Variants in FRMPD4 observed in about 807,000 individuals in gnomAD.
FRMPD4 encodes FERM and PDZ domain-containing protein 4.
A neutral mutation model predicts 94.1 loss-of-function variants in FRMPD4; 22 were observed. The ratio of observed to expected loss-of-function variants is 0.23; its 90% CI spans 0.17 to 0.33. The LOEUF (loss-of-function observed/expected upper bound fraction) is 0.33. Among genes scored for constraint, FRMPD4 ranks in the 10% least tolerant of loss-of-function variants. The probability of loss-of-function intolerance (pLI) is 1.00; values close to 1 mark genes in which losing one functional copy is unlikely to be tolerated. For missense variants in FRMPD4, 1,111 were observed against 1,339.9 expected (o/e 0.83, Z 2.67); for synonymous variants, 631 against 548.6 (o/e 1.15, Z -2.10).
chrX:12,266,507 G>T (rs2054279093), intron 1 of FRMPD4, among the ~76,000 whole-genome samples: 1 of 111,437 alleles, frequency 9.0e-6, no homozygotes, highest in Admixed American at 9.5e-5. Context: ...TGAAGTCTGG[G>T]CTTGGAAGTG....
At chrX:11,876,848 G>A (rs1438388755) in intron 2 of FRMPD4, among the ~76,000 whole-genome samples, 1 of 112,299 alleles carries the variant, frequency 8.9e-6, no homozygotes, top group Non-Finnish European at 1.9e-5. Flanking sequence ...TATAGCAGTG[G>A]TTTCAACCGG....
chrX:12,457,480 A>C (rs1466428354), intron 1 of FRMPD4, among the ~76,000 whole-genome samples: 2 of 111,388 alleles, frequency 1.8e-5, no homozygotes, highest in African/African-American at 6.5e-5. Flanking sequence ...TTGTTGAATC[A>C]CCTCTCATTT....
chrX:12,233,140 G>A (rs926759098), intron 1 of FRMPD4, among the ~76,000 whole-genome samples: 9 of 111,683 alleles, frequency 8.1e-5, no homozygotes, highest in African/African-American at 2.6e-4. Flanking sequence ...GGTGAAGATC[G>A]TTTTAAACAA....
rs1036437887 is a variant in FRMPD4, at chrX:12,718,592, G to A, written c.3766G>A (p.Val1256Met). The A allele has an allele frequency of 1.2e-5, 15 of 1,208,682 alleles. No individual in the cohort carries two copies. Among genetic ancestry groups the A allele is most frequent in the South Asian group, 5.3e-5 (3 of 56,746 alleles). The stretch of plus-strand genomic sequence containing the variant: ...GATTCCTGACGCTTCTGGGAAAGGC[G>A]TGAATTACATTCCTTCAGAGGAGAG... ...HLIPDASGKGVNYIPSEERAP... is the reference protein window; with the variant it reads ...HLIPDASGKGMNYIPSEERAP... Residue 1256 changes from valine (V) to methionine (M), a missense_variant, in exon 16 of 17, where the codon GTG becomes ATG. By Grantham distance (21) the Val-to-Met change is conservative (BLOSUM62 1). Around this residue, in one of 8 missense-constraint regions of FRMPD4, gnomAD observed 551 missense variants for 591.6 expected, o/e 0.93. Coordinates refer to ENST00000675598, the MANE Select transcript of FRMPD4 (RefSeq NM_001368397.1).
chrX:12,537,668 T>TGGG lies in FRMPD4; in HGVS notation c.158+38872_158+38873insGGG, dbSNP rs1443813911. ...GGTATCACCATGTTGCCCAGGCTGGTCTTGAACTCCTGGGTTCAAGCAATT... is the reference window on the plus strand; with the variant it reads ...GGTATCACCATGTTGCCCAGGCTGGTGGGCTTGAACTCCTGGGTTCAAGCAATT... On this transcript the variant is annotated intron_variant, in intron 2 of 16. Transcript: ENST00000675598. Among the ~76,000 whole-genome samples the TGGG allele has an allele frequency of 4.5e-3, 483 of 108,511 alleles. 1 individual carries two copies. The highest frequency in any genetic ancestry group is 0.015 in the African/African-American group (456 of 29,867). 94.2% of individuals were successfully genotyped at this position (108,511 alleles called of 115,157 possible). A position where few individuals can be genotyped will look rare whatever the true frequency, so the allele number is the denominator to read the frequency against.
intron 4 of FRMPD4, among the ~76,000 whole-genome samples, chrX:12,655,871 C>T (rs1266791914): frequency 8.9e-6 from 1 of 112,173 alleles, no homozygotes; most frequent in African/African-American, 3.2e-5. Context: ...CTCACCAGGA[C>T]TTTGGGAGTC....
intron 2 of FRMPD4, among the ~76,000 whole-genome samples, chrX:12,535,590 T>C (rs1242888839): frequency 8.9e-6 from 1 of 112,327 alleles, no homozygotes; most frequent in Non-Finnish European, 1.9e-5. Flanking sequence ...TAAGTTTCCT[T>C]GGAATTCATT....
intron 3 of FRMPD4, among the ~76,000 whole-genome samples, chrX:11,906,368 C>T (rs765484638): frequency 1.8e-5 from 2 of 110,150 alleles, no homozygotes; most frequent in African/African-American, 6.6e-5. Flanking sequence ...AGGATGGTCT[C>T]GATCTCCTGA....
intron 3 of FRMPD4, among the ~76,000 whole-genome samples, chrX:11,967,753 TGTG>T (rs376510281): frequency 1.4e-4 from 11 of 78,935 alleles, no homozygotes; most frequent in African/African-American, 4.8e-4. Flanking sequence ...TGTGTGTGTG[TGTG>T]TTTTTTTTTT....
At chrX:12,163,926 T>G (rs1182925459) in intron 1 of FRMPD4, among the ~76,000 whole-genome samples, 1 of 111,987 alleles carries the variant, frequency 8.9e-6, no homozygotes. Context: ...TCTCATGGGA[T>G]TTGGTCTCAC....
chrX:12,234,171 C>T (rs1203858151), intron 1 of FRMPD4, among the ~76,000 whole-genome samples: 7 of 110,813 alleles, frequency 6.3e-5, no homozygotes, highest in African/African-American at 3.3e-5. Context: ...GGGCAGAGTG[C>T]AAGGGGAGGT....
chrX:12,447,739 C>T (rs185496474), intron 1 of FRMPD4, among the ~76,000 whole-genome samples: 6 of 111,830 alleles, frequency 5.4e-5, no homozygotes. Flanking sequence ...GTACAGATTC[C>T]TGGTAAAATC....
chrX:12,035,228 C>T (rs1054511361), intron 3 of FRMPD4, among the ~76,000 whole-genome samples: 12 of 111,401 alleles, frequency 1.1e-4, no homozygotes, highest in African/African-American at 3.9e-4. Context: ...AGAGTCTTTC[C>T]CCCTCTTTGG....
chrX:11,825,548 C>T (rs1456057063), intron 1 of FRMPD4, among the ~76,000 whole-genome samples: 3 of 110,154 alleles, frequency 2.7e-5, no homozygotes, highest in Non-Finnish European at 5.7e-5. Context: ...GTGTTTAATA[C>T]TTAGTTGGAC....
At chrX:12,404,699 C>T (rs1203461549) in intron 1 of FRMPD4, among the ~76,000 whole-genome samples, 1 of 111,872 alleles carries the variant, frequency 8.9e-6, no homozygotes, top group Non-Finnish European at 1.9e-5. Context: ...CTATGTGTTT[C>T]TTCTTACAAC....
At chrX:11,986,774 G>A (rs899561575) in intron 3 of FRMPD4, among the ~76,000 whole-genome samples, 1 of 110,382 alleles carries the variant, frequency 9.1e-6, no homozygotes, top group African/African-American at 3.3e-5. Context: ...ATCATTAGTG[G>A]CTACTATGAG....
rs1417824531 is a variant in FRMPD4, at chrX:12,721,552, G to A, written c.4983G>A (p.Ala1661=). The change falls in exon 17 of 17, where the codon GCG becomes GCA. Residue 1661 remains alanine, a synonymous_variant. Transcript: ENST00000675598. ...RQLGSACRKM[A]MAEKSPEEML... is the part of the protein sequence containing the mutation. Reference sequence around the variant, plus strand: ...TGGGAAGTGCCTGTAGGAAAATGGCGATGGCTGAGAAAAGCCCGGAGGAGA... The same window carrying A: ...TGGGAAGTGCCTGTAGGAAAATGGCAATGGCTGAGAAAAGCCCGGAGGAGA... 4 of 752,076 alleles carry A rather than the reference G, an allele frequency of 5.3e-6. No individual in the cohort carries two copies. The East Asian group carries it at 4.6e-4, about 86-fold the overall frequency. 62.0% of individuals were successfully genotyped at this position (752,076 alleles called of 1,213,427 possible).
intron 3 of FRMPD4, among the ~76,000 whole-genome samples, chrX:11,891,638 A>G (rs1406022408): frequency 8.9e-6 from 1 of 111,851 alleles, no homozygotes; most frequent in Non-Finnish European, 1.9e-5. Flanking sequence ...TCTGGATTAA[A>G]ATCTCTGTGT....
At chrX:12,084,199 A>C (rs2055087660) in intron 3 of FRMPD4, among the ~76,000 whole-genome samples, 1 of 85,245 alleles carries the variant, frequency 1.2e-5, no homozygotes, top group Non-Finnish European at 2.3e-5. Context: ...TAATTGAATC[A>C]TGGGGGCTGG....
Sources: gnomAD v4.1 joint callset for allele counts (sites outside exome capture counted in the v4.1 genomes callset) on GRCh38, gnomAD v4.1.1 for gene constraint, gnomAD v4.1.1 regional missense constraint, MANE v1.5 for transcripts, NCBI Gene and HGNC (gene_info 2026-07-23, HGNC 2026-07-21) for gene names.